EGFL6: variants seen among roughly 807,000 people sequenced by gnomAD.
EGFL6 encodes the protein EGF like domain multiple 6, also known as epidermal growth factor-like protein 6.
In EGFL6, 42 loss-of-function variants were observed where a neutral mutation model predicts 43.1. The ratio of observed to expected loss-of-function variants is 0.98; its 90% CI spans 0.76 to 1.26. EGFL6 has a LOEUF of 1.26. Ranked by LOEUF, EGFL6 falls within the 50% of genes most tolerant of loss-of-function variation. The pLI is 0.00. For missense variants in EGFL6, 429 were observed against 427.8 expected (o/e 1.00, Z -0.02); for synonymous variants, 164 against 163.2 (o/e 1.01, Z -0.04).
intron 11 of EGFL6, among the ~76,000 whole-genome samples, chrX:13,631,044 A>G (rs1300126207): frequency 6.2e-5 from 7 of 112,864 alleles, no homozygotes; most frequent in Non-Finnish European, 1.1e-4. Context: ...GTGCTTTTAT[A>G]TTTCACATTT....
At chrX:13,580,230 AC>A (rs2045498052) in intron 1 of EGFL6, among the ~76,000 whole-genome samples, 1 of 111,015 alleles carries the variant, frequency 9.0e-6, no homozygotes, top group Non-Finnish European at 1.9e-5. Flanking sequence ...TTAATCTCTG[AC>A]CCTATTTTCT....
Position 13,589,629 on chromosome X carries a change from T to C in EGFL6, c.148T>C (p.Cys50Arg). The change falls in exon 2 of 12, where the codon TGC becomes CGC. Residue 50 changes from cysteine (C) to arginine (R), a missense_variant. Transcript: ENST00000361306. Reference sequence around the variant, plus strand: ...TCACTATGGAACTAAACTGGCCTGCTGCTACGGCTGGAGAAGAAACAGCAA... The same window carrying C: ...TCACTATGGAACTAAACTGGCCTGCCGCTACGGCTGGAGAAGAAACAGCAA... ...VCHYGTKLAC[C>R]YGWRRNSKGV... is the part of the protein sequence containing the mutation. 1 of 1,211,384 alleles carries C rather than the reference T, an allele frequency of 8.3e-7. No individual in the cohort carries two copies. Among genetic ancestry groups the C allele is most frequent in the Non-Finnish European group, 1.1e-6 (1 of 895,225 alleles).
chrX:13,627,188 C>A lies in EGFL6; in HGVS notation c.1463C>A (p.Ala488Asp). The A allele has an allele frequency of 8.3e-7, 1 of 1,211,788 alleles. No homozygotes were observed. The highest frequency in any genetic ancestry group is 1.1e-6 in the Non-Finnish European group (1 of 895,474). The change falls in exon 11 of 12, where the codon GCC (alanine) becomes GAC (aspartate). Residue 488 changes from alanine (A) to aspartate (D), a missense_variant. Physicochemically the swap from Ala to Asp is moderately radical, Grantham distance 126 (BLOSUM62 -2). Transcript: ENST00000361306. ...GTGTTTGTGAAAAACAGTAACAATG[C>A]CCTGGCATGGGAGAAGACCACGAGT... ...LRVFVKNSNN[A>D]LAWEKTTSED...
At position 13,569,626 on chromosome X, in the gene EGFL6, A is replaced by C; in HGVS notation, c.-236A>C. ...GCTCACCCCGTCCAGCTTCATCCGC[A>C]GAGGAGCCTCGGCCAGGCTTGCCAG... On this transcript the variant is annotated 5_prime_UTR_variant, in exon 1 of 12. Transcript: ENST00000361306. 1 of 284,261 alleles carries C rather than the reference A, an allele frequency of 3.5e-6. No homozygotes were observed. Among genetic ancestry groups the C allele is most frequent in the East Asian group, 8.6e-5 (1 of 11,689 alleles). The allele number at this position is 284,261 out of a possible 1,213,427, so 23.4% of individuals were successfully genotyped here. A position where few individuals can be genotyped will look rare whatever the true frequency, so the allele number is the denominator to read the frequency against.
intron 1 of EGFL6, among the ~76,000 whole-genome samples, chrX:13,584,865 C>T (rs762579044): frequency 1.8e-5 from 2 of 111,654 alleles, no homozygotes; most frequent in South Asian, 7.6e-4. Flanking sequence ...ATTACCAAAT[C>T]TTTTGGTCCC....
chrX:13,602,200 G>T (rs1268329149), intron 4 of EGFL6, among the ~76,000 whole-genome samples: 3 of 110,562 alleles, frequency 2.7e-5, no homozygotes, highest in African/African-American at 9.9e-5. Context: ...AGGCCCCTTG[G>T]GTCTCTTTTG....
In EGFL6 at chrX:13,600,109, C is replaced by G; in HGVS notation, c.400+15C>G. On this transcript the variant is annotated intron_variant, in intron 4 of 11. Transcript: ENST00000361306. ...TACGTGTGTGAGTAAGTTTCAACAG[C>G]CAGGCTGATCTCAGTCAATGTTTAA... 8.3e-7 allele frequency: 1 copy of G among 1,206,754 alleles called. No homozygotes were observed. Among genetic ancestry groups the G allele is most frequent in the Non-Finnish European group, 1.1e-6 (1 of 893,206 alleles).
At chrX:13,612,915 C>T (rs938810152) in intron 7 of EGFL6, among the ~76,000 whole-genome samples, 3 of 110,527 alleles carry the variant, frequency 2.7e-5, no homozygotes, top group South Asian at 3.8e-4. Context: ...AAGGCCGAGG[C>T]GGGTGGATTG....
At position 13,606,384 on chromosome X, in the gene EGFL6, G is replaced by C; in HGVS notation, c.526G>C (p.Asp176His). Residue 176 changes from aspartate (D) to histidine (H), a missense_variant, in exon 6 of 12, where the codon GAT becomes CAT. By Grantham distance (81) the Asp-to-His change is moderately conservative. Transcript: ENST00000361306. ...TTCTGGTTTTTACACCCTAGATATT[G>C]ATGAATGTGCCTCTGGTAAAGTCAT... ...APNGRDCLDIDECASGKVICP... is the reference protein window; with the variant it reads ...APNGRDCLDIHECASGKVICP... 2 of 1,210,564 alleles carry C rather than the reference G, an allele frequency of 1.7e-6. No homozygotes were observed. Among genetic ancestry groups the C allele is most frequent in the East Asian group, 5.9e-5 (2 of 33,813 alleles).
intron 10 of EGFL6, among the ~76,000 whole-genome samples, chrX:13,624,573 C>A (rs2045768150): frequency 9.0e-6 from 1 of 111,583 alleles, no homozygotes; most frequent in Non-Finnish European, 1.9e-5. Context: ...CCTAACTATC[C>A]CCTTAGTGTT....
intron 9 of EGFL6, among the ~76,000 whole-genome samples, chrX:13,619,749 G>A (rs1004429040): frequency 2.7e-5 from 3 of 111,672 alleles, no homozygotes; most frequent in African/African-American, 9.8e-5. Context: ...TAGGCTGGGT[G>A]GGCTCACTCA....
chrX:13,572,868 CG>C (rs1249823196), intron 1 of EGFL6, among the ~76,000 whole-genome samples: 2 of 111,592 alleles, frequency 1.8e-5, no homozygotes, highest in Non-Finnish European at 3.8e-5. Context: ...TTCTGAAGAC[CG>C]GAAGTCCATA....
intron 4 of EGFL6, among the ~76,000 whole-genome samples, chrX:13,601,667 A>C (rs2146695015): frequency 8.9e-6 from 1 of 112,370 alleles, no homozygotes; most frequent in South Asian, 3.7e-4. Flanking sequence ...CTAGCAAGCA[A>C]GCATTTGAAA....
At chrX:13,632,551 G>A (rs921165213) in intron 11 of EGFL6, among the ~76,000 whole-genome samples, 8 of 109,697 alleles carry the variant, frequency 7.3e-5, no homozygotes, top group Non-Finnish European at 1.1e-4. Flanking sequence ...TGATCCGCCC[G>A]CCTCGGCCTC....
chrX:13,572,616 C>G (rs778224627), intron 1 of EGFL6, among the ~76,000 whole-genome samples: 1 of 111,828 alleles, frequency 8.9e-6, no homozygotes, highest in East Asian at 2.8e-4. Flanking sequence ...TGGAGATTAA[C>G]GTTTGGAGCA....
chrX:13,597,689 C>CG (rs2045607043), intron 3 of EGFL6, among the ~76,000 whole-genome samples: 1 of 111,118 alleles, frequency 9.0e-6, no homozygotes, highest in African/African-American at 3.3e-5. Context: ...GAGGCTGAGG[C>CG]AGGAGAATCA....
chrX:13,627,795 T>C (rs763383919), intron 11 of EGFL6, among the ~76,000 whole-genome samples: 5 of 111,399 alleles, frequency 4.5e-5, no homozygotes, highest in Non-Finnish European at 5.7e-5. Context: ...TTAAAATCAG[T>C]AGAGGGAAAA....
chrX:13,604,650 G>A (rs1395260160), intron 5 of EGFL6, among the ~76,000 whole-genome samples: 1 of 111,992 alleles, frequency 8.9e-6, no homozygotes, highest in East Asian at 2.8e-4. Flanking sequence ...TTTGAATTAT[G>A]TTCAACCATC....
chrX:13,630,927 CAAGTTTGAATTTATAT>C lies in EGFL6; in HGVS notation c.1552-2049_1552-2034del, dbSNP rs768053456. Among the ~76,000 whole-genome samples, 5 of 112,351 alleles carry C rather than the reference CAAGTTTGAATTTATAT, an allele frequency of 4.5e-5. No individual in the cohort carries two copies. In the East Asian group the frequency reaches 1.1e-3, roughly 25 times the overall value. The stretch of plus-strand genomic sequence containing the variant: ...TCTTTCTTTAAAATGCCAATTTATA[CAAGTTTGAATTTATAT>C]AAGTTTGAGCTTAAAAAGTTTAGAA... On this transcript the variant is annotated intron_variant, in intron 11 of 11. Coordinates refer to ENST00000361306, the MANE Select transcript of EGFL6 (RefSeq NM_015507.4).
Sources: allele counts gnomAD v4.1 joint callset (sites outside exome capture counted in the v4.1 genomes callset), GRCh38; gene constraint gnomAD v4.1.1; transcripts MANE v1.5; gene names NCBI Gene and HGNC (gene_info 2026-07-23, HGNC 2026-07-21).